The following TMLHE variants were observed in gnomAD, a reference collection of about 807,000 sequenced individuals.
TMLHE encodes the protein trimethyllysine dioxygenase, mitochondrial.
In TMLHE, 18 loss-of-function variants were observed where a neutral mutation model predicts 25.7. The observed-to-expected ratio is 0.70, with a 90% CI of 0.48 to 1.04. TMLHE has a LOEUF of 1.04. Among genes scored for constraint, TMLHE ranks in the 50% least tolerant of loss-of-function variants. The probability of loss-of-function intolerance (pLI) is 0.00; values close to 1 mark genes in which losing one functional copy is unlikely to be tolerated. For missense variants in TMLHE, 236 were observed against 259.0 expected, an observed-to-expected ratio of 0.91 and a Z score of 0.61; for synonymous variants, 105 against 97.0, an observed-to-expected ratio of 1.08 and a Z score of -0.49.
rs1436526497 is a variant in TMLHE at position 155,570,073 on chromosome X, G to A, written c.-1-24796C>T. Among the ~76,000 whole-genome samples, 5 of 55,773 alleles carry A rather than the reference G, an allele frequency of 9.0e-5. 1 individual carries two copies. The highest frequency in any genetic ancestry group is 2.2e-4 in the African/African-American group (5 of 23,147). The allele number at this position is 55,773 out of a possible 115,157, so 48.4% of individuals were successfully genotyped here. ...ATAAAGAGTCAAGACCCATCAGTGT[G>A]CTGTATTCAGGAAACCCATCTCACG... On this transcript the variant is annotated intron_variant, in intron 1 of 7. Coordinates refer to ENST00000334398, the MANE Select transcript of TMLHE (RefSeq NM_018196.4).
chrX:155,609,567 C>T (rs2067807532), intron 1 of TMLHE, among the ~76,000 whole-genome samples: 1 of 111,788 alleles, frequency 8.9e-6, no homozygotes, highest in African/African-American at 3.3e-5. Flanking sequence ...AAACCTTTGC[C>T]CTTCAACATA....
chrX:155,563,145 C>A (rs1397868024), intron 1 of TMLHE, among the ~76,000 whole-genome samples: 1 of 62,356 alleles, frequency 1.6e-5, no homozygotes, highest in Non-Finnish European at 4.5e-5. Context: ...TTTCTGTATT[C>A]GTCCATTTTC....
At chrX:155,560,574 A>AT (rs1569562162) in intron 1 of TMLHE, among the ~76,000 whole-genome samples, 1 of 35,915 alleles carries the variant, frequency 2.8e-5, no homozygotes, top group African/African-American at 4.6e-5. Flanking sequence ...ATTTGATCAA[A>AT]GGAGGAGTTA....
intron 5 of TMLHE, among the ~76,000 whole-genome samples, 180 bp from the exon 6 acceptor site, chrX:155,507,314 A>G (rs2067082151): frequency 9.1e-6 from 1 of 110,026 alleles, no homozygotes. Flanking sequence ...GTGTTTTGAA[A>G]TATTAATGCC....
At chrX:155,585,690 T>C (rs968925498) in intron 1 of TMLHE, among the ~76,000 whole-genome samples, 16 of 111,372 alleles carry the variant, frequency 1.4e-4, no homozygotes, top group Non-Finnish European at 2.8e-4. Flanking sequence ...GGATTTAAAC[T>C]GGTAAACTGA....
chrX:155,598,083 T>C (rs1230892145), intron 1 of TMLHE, among the ~76,000 whole-genome samples: 1 of 110,563 alleles, frequency 9.0e-6, no homozygotes, highest in East Asian at 2.8e-4. Context: ...GGGTGAAGGG[T>C]TTCAAGATAG....
At chrX:155,529,280 G>T (rs1170209724) in intron 2 of TMLHE, among the ~76,000 whole-genome samples, 2 of 111,737 alleles carry the variant, frequency 1.8e-5, no homozygotes, top group African/African-American at 6.5e-5. Flanking sequence ...ACAGAGAGGA[G>T]CTTGGCAAAT....
In TMLHE at chrX:155,545,247, G is replaced by A; in HGVS notation, c.30C>T (p.His10=). The change falls in exon 2 of 8, where the codon CAC becomes CAT. Residue 10 remains histidine, a synonymous_variant. Transcript: ENST00000334398. MWYHRLSHL[H]SRLQDLLKGG... ...CCTTCAGCAAGTCCTGAAGCCTGCT[G>A]TGTAGGTGGGACAATCTGTGGTACC... 1 of 1,201,008 alleles carries A rather than the reference G, an allele frequency of 8.3e-7. No individual in the cohort carries two copies.
rs2067580945 is a variant in TMLHE, at chrX:155,574,982, A to T, written c.-1-29705T>A. On this transcript the variant is annotated intron_variant, in intron 1 of 7. Transcript: ENST00000334398. ...CTGTGGGATAGCACCGAACACAACAACCTGTATTAGTTTACTAAGACTACC... is the reference window on the plus strand; with the variant it reads ...CTGTGGGATAGCACCGAACACAACATCCTGTATTAGTTTACTAAGACTACC... 6.3e-5 allele frequency among the ~76,000 whole-genome samples: 7 copies of T among 111,745 alleles called. No homozygotes were observed. The South Asian group carries it at 2.6e-3, about 42-fold the overall frequency.
At chrX:155,582,872 T>G in intron 1 of TMLHE, among the ~76,000 whole-genome samples, 1 of 112,271 alleles carries the variant, frequency 8.9e-6, no homozygotes, top group Middle Eastern at 4.6e-3. Flanking sequence ...CACATGCACA[T>G]GTATGTTTAT....
intron 5 of TMLHE, among the ~76,000 whole-genome samples, chrX:155,508,275 G>T (rs1557332957): frequency 1.8e-5 from 2 of 110,982 alleles, no homozygotes; most frequent in African/African-American, 6.5e-5. Flanking sequence ...AATCAAATAT[G>T]CAAAACTAAG....
chrX:155,582,742 A>G (rs1416501793), intron 1 of TMLHE, among the ~76,000 whole-genome samples: 3 of 112,357 alleles, frequency 2.7e-5, no homozygotes, highest in African/African-American at 9.7e-5. Context: ...AGCTAGTTCA[A>G]CCATTGTGGA....
In TMLHE at chrX:155,506,894, T is replaced by C; in HGVS notation, c.995+4A>G. The stretch of plus-strand genomic sequence containing the variant: ...ACAGTTGGGGATAGTTCTTTGATAC[T>C]CACCTGATCAAATACAGCTCTTTAT... On this transcript the variant is annotated splice_donor_region_variant and intron_variant, in intron 6 of 7. Transcript: ENST00000334398. The C allele has an allele frequency of 8.4e-7, 1 of 1,194,476 alleles. No individual in the cohort carries two copies.
intron 1 of TMLHE, among the ~76,000 whole-genome samples, chrX:155,604,633 A>G (rs2067776421): frequency 9.0e-6 from 1 of 111,451 alleles, no homozygotes; most frequent in Non-Finnish European, 1.9e-5. Context: ...CAAGCTCTGC[A>G]GCCAGCACTC....
At chrX:155,528,156 GA>G (rs1350654866) in intron 2 of TMLHE, among the ~76,000 whole-genome samples, 1 of 110,003 alleles carries the variant, frequency 9.1e-6, no homozygotes, top group Admixed American at 9.8e-5. Context: ...AGGATGTGGG[GA>G]AAAATGCATA....
intron 1 of TMLHE, among the ~76,000 whole-genome samples, chrX:155,591,372 G>A (rs782600428): frequency 9.0e-6 from 1 of 111,403 alleles, no homozygotes; most frequent in South Asian, 3.7e-4. Flanking sequence ...ACTCCAAAAC[G>A]CACATTCTTT....
chrX:155,533,787 C>T, intron 2 of TMLHE, among the ~76,000 whole-genome samples: 1 of 111,619 alleles, frequency 9.0e-6, no homozygotes, highest in Non-Finnish European at 1.9e-5. Flanking sequence ...AAAAGTGACA[C>T]TTTTTATAAA....
chrX:155,542,320 C>G (rs1557338321), intron 2 of TMLHE, among the ~76,000 whole-genome samples: 1 of 111,505 alleles, frequency 9.0e-6, no homozygotes, highest in African/African-American at 3.3e-5. Context: ...TGAAACACTT[C>G]TACAGTGAAA....
chrX:155,612,699 C>T (rs1355343370), intron 1 of TMLHE, 93 bp downstream of exon 1: 2 of 112,812 alleles, frequency 1.8e-5, no homozygotes, highest in Admixed American at 1.9e-4. Context: ...CCTCCGCCGC[C>T]CACTGCGACA....
Sources: allele counts gnomAD v4.1 joint callset (sites outside exome capture counted in the v4.1 genomes callset), GRCh38; gene constraint gnomAD v4.1.1; transcripts MANE v1.5; gene names NCBI Gene and HGNC (gene_info 2026-07-23, HGNC 2026-07-21).